Variants in PLCG2 observed in about 807,000 individuals in gnomAD.
The protein encoded by PLCG2 is 1-phosphatidylinositol 4,5-bisphosphate phosphodiesterase gamma-2.
A neutral mutation model predicts 175.6 loss-of-function variants in PLCG2; 69 were observed. That is an observed-to-expected ratio of 0.39 (90% CI 0.32 to 0.48). The LOEUF is 0.48. Ranked by LOEUF, PLCG2 falls within the 20% of genes least tolerant of loss-of-function variation. PLCG2 has a pLI of 0.91. For synonymous variants in PLCG2, 827 were observed against 624.0 expected (o/e 1.33, Z -4.85); for missense variants, 1,798 against 1,650.9 (o/e 1.09, Z -1.54).
chr16:81,937,223 C>T (rs541409883), intron 27 of PLCG2: 1 of 152,336 alleles, frequency 6.6e-6, no homozygotes, highest in Non-Finnish European at 1.5e-5. Context: ...GGTATGACTT[C>T]GCTGAGTTTT....
chr16:81,862,661 G>A (rs939930773), intron 5 of PLCG2, among the ~76,000 whole-genome samples: 1 of 152,146 alleles, frequency 6.6e-6, no homozygotes, highest in Non-Finnish European at 1.5e-5. Context: ...CTTGAGCTCA[G>A]GAGTTGGAGA....
At chr16:81,896,365 AACACAC>A (rs57375866) in intron 13 of PLCG2, among the ~76,000 whole-genome samples, 6,114 of 120,742 alleles carry the variant, frequency 0.051, 161 homozygotes, top group Non-Finnish European at 0.059. Flanking sequence ...TCTCTACCAA[AACACAC>A]ACACACACAC....
chr16:81,793,143 C>T (rs1312727815), intron 2 of PLCG2, among the ~76,000 whole-genome samples: 2 of 152,244 alleles, frequency 1.3e-5, no homozygotes, highest in Admixed American at 1.3e-4. Context: ...CACCTCACTT[C>T]CTGGCCTCCA....
chr16:81,930,894 A>G (rs1465169427), intron 24 of PLCG2, among the ~76,000 whole-genome samples: 2 of 152,226 alleles, frequency 1.3e-5, no homozygotes, highest in Non-Finnish European at 1.5e-5. Flanking sequence ...TAAAAATGCC[A>G]AGTTGCTTAG....
intron 24 of PLCG2, among the ~76,000 whole-genome samples, chr16:81,930,550 C>G (rs1910456944): frequency 6.6e-6 from 1 of 152,064 alleles, no homozygotes; most frequent in South Asian, 2.1e-4. Flanking sequence ...GAGTTCGAGA[C>G]CAGCCCTGGG....
At chr16:81,913,499 A>G (rs1484632644) in intron 19 of PLCG2, among the ~76,000 whole-genome samples, 1 of 152,174 alleles carries the variant, frequency 6.6e-6, no homozygotes, top group African/African-American at 2.4e-5. Context: ...TGAGGTTCAG[A>G]TGCAGGCCTG....
intron 9 of PLCG2, 46 bp downstream of exon 9, chr16:81,883,387 C>T: frequency 2.0e-6 from 3 of 1,482,770 alleles, no homozygotes; most frequent in Non-Finnish European, 1.9e-6. Context: ...TGGCGGGATG[C>T]TGCTGGGGAC....
chr16:81,846,375 T>C (rs1222782369), intron 2 of PLCG2, among the ~76,000 whole-genome samples: 1 of 152,132 alleles, frequency 6.6e-6, no homozygotes, highest in East Asian at 1.9e-4. Flanking sequence ...TTTATTCTGC[T>C]CGCCATCCCA....
chr16:81,758,829 C>A (rs1449537093), intron 2 of PLCG2, among the ~76,000 whole-genome samples: 1 of 152,136 alleles, frequency 6.6e-6, no homozygotes, highest in Non-Finnish European at 1.5e-5. Context: ...AGGTGCACAC[C>A]ACCATGCCCA....
chr16:81,741,975 G>A (rs974937267), intron 1 of PLCG2, among the ~76,000 whole-genome samples: 9 of 152,092 alleles, frequency 5.9e-5, no homozygotes, highest in African/African-American at 1.2e-4. Context: ...ACGCCAGAGC[G>A]CGTTCCTCCT....
intron 7 of PLCG2, among the ~76,000 whole-genome samples, chr16:81,878,484 T>C (rs1431712413): frequency 6.6e-6 from 1 of 152,206 alleles, no homozygotes; most frequent in Non-Finnish European, 1.5e-5. Flanking sequence ...TTTTTCTATC[T>C]TTAGAACGTC....
intron 2 of PLCG2, among the ~76,000 whole-genome samples, chr16:81,829,982 T>C (rs778892085): frequency 1.3e-5 from 2 of 151,950 alleles, no homozygotes; most frequent in Non-Finnish European, 2.9e-5. Context: ...TGTGGACCCA[T>C]GAACGGGCAG....
At position 81,855,943 on chromosome 16, in the gene PLCG2, C is replaced by T. The variant is rs1906660611; in HGVS notation, c.337+1356C>T. On this transcript the variant is annotated intron_variant, in intron 3 of 32. Coordinates refer to ENST00000564138, the MANE Select transcript of PLCG2 (RefSeq NM_002661.5). ...GGCCCGTGGCGGTGAAGCTTCACAC[C>T]TCTGTCTCCTTAGCCCCACCTGCAG... Among the ~76,000 whole-genome samples, 8 of 152,268 alleles carry T rather than the reference C, an allele frequency of 5.3e-5. No individual in the cohort carries two copies. In the South Asian group the frequency reaches 1.5e-3, roughly 28 times the overall value.
At chr16:81,766,900 C>G (rs1910162784) in intron 2 of PLCG2, 2 of 152,204 alleles carry the variant, frequency 1.3e-5, no homozygotes, top group Admixed American at 1.3e-4. Context: ...AGATCTTTTC[C>G]AAACTGGAAG....
At chr16:81,789,356 T>A (rs1370205537) in intron 2 of PLCG2, among the ~76,000 whole-genome samples, 1 of 152,234 alleles carries the variant, frequency 6.6e-6, no homozygotes, top group East Asian at 1.9e-4. Context: ...AATGGCCTGA[T>A]CATGGTTCAC....
At chr16:81,798,503 A>G (rs1365963123) in intron 2 of PLCG2, 1 of 152,260 alleles carries the variant, frequency 6.6e-6, no homozygotes, top group Non-Finnish European at 1.5e-5. Flanking sequence ...GACAGGGTGA[A>G]GGTGAAGTTC....
chr16:81,957,588 C>T (rs571838270), intron 32 of PLCG2, among the ~76,000 whole-genome samples: 36 of 151,384 alleles, frequency 2.4e-4, no homozygotes, highest in African/African-American at 7.4e-4. Context: ...TAATGGGGTG[C>T]GGGGCGGCCG....
rs761571989 is a variant in PLCG2, at chr16:81,880,964, T to C, written c.692+11T>C. On this transcript the variant is annotated intron_variant, in intron 8 of 32. Transcript: ENST00000564138. The stretch of plus-strand genomic sequence containing the variant: ...CGTGTTCATCCTGGGGTGAGGCAGC[T>C]CTTGTGTGTCGTTCGGGGCGGCTGT... The C allele has an allele frequency of 5.0e-6, 8 of 1,613,866 alleles. No homozygotes were observed. The South Asian group carries it at 8.8e-5, about 18-fold the overall frequency.
chr16:81,840,840 G>C (rs1597348505), intron 2 of PLCG2, among the ~76,000 whole-genome samples: 1 of 152,180 alleles, frequency 6.6e-6, no homozygotes, highest in East Asian at 1.9e-4. Context: ...CAGGGCACGT[G>C]GTCCCTTGGG....
Sources: allele counts gnomAD v4.1 joint callset (sites outside exome capture counted in the v4.1 genomes callset), GRCh38; gene constraint gnomAD v4.1.1; transcripts MANE v1.5; gene names NCBI Gene and HGNC (gene_info 2026-07-23, HGNC 2026-07-21).